Variants in MYT1L observed in about 807,000 individuals in gnomAD.
MYT1L encodes myelin transcription factor 1-like protein.
Under a neutral mutation model 126.7 loss-of-function variants are expected in MYT1L, and 12 were observed. The ratio of observed to expected loss-of-function variants is 0.09; its 90% confidence interval spans 0.06 to 0.15. The LOEUF is 0.15. Ranked by LOEUF, MYT1L falls within the 10% of genes least tolerant of loss-of-function variation. The pLI, the probability that MYT1L is intolerant of heterozygous loss-of-function variation, is 1.00. For synonymous variants in MYT1L, 541 were observed against 604.2 expected (o/e 0.90, Z 1.53); for missense variants, 979 against 1,585.2 (o/e 0.62, Z 6.49).
At chr2:2,116,024 T>C (rs1056489701) in intron 3 of MYT1L, among the ~76,000 whole-genome samples, 2 of 151,012 alleles carry the variant, frequency 1.3e-5, no homozygotes, top group Non-Finnish European at 1.5e-5. Context: ...GGCTGAGAAG[T>C]AGGATGCACC....
intron 2 of MYT1L, among the ~76,000 whole-genome samples, chr2:2,179,653 G>A (rs1027272006): frequency 2.6e-5 from 4 of 152,330 alleles, no homozygotes; most frequent in African/African-American, 7.2e-5. Flanking sequence ...CATTGCTTTA[G>A]TGAGTGAGGA....
intron 3 of MYT1L, among the ~76,000 whole-genome samples, chr2:2,115,440 C>T (rs1388099941): frequency 6.6e-6 from 1 of 152,166 alleles, no homozygotes; most frequent in Non-Finnish European, 1.5e-5. Flanking sequence ...TTTATAAATC[C>T]ATGAGACAGT....
At chr2:2,136,316 T>TAA (rs2083046665) in intron 3 of MYT1L, among the ~76,000 whole-genome samples, 1 of 152,196 alleles carries the variant, frequency 6.6e-6, no homozygotes, top group South Asian at 2.1e-4. Context: ...TTGAAAGAGT[T>TAA]AATATGTTAC....
At chr2:1,967,951 G>A (rs1024222837) in intron 8 of MYT1L, among the ~76,000 whole-genome samples, 2 of 152,132 alleles carry the variant, frequency 1.3e-5, no homozygotes, top group African/African-American at 4.8e-5. Flanking sequence ...GAGCTTCCTC[G>A]GGCCCCTGCA....
At chr2:1,863,743 G>C (rs529732583) in intron 18 of MYT1L, among the ~76,000 whole-genome samples, 1 of 150,652 alleles carries the variant, frequency 6.6e-6, no homozygotes, top group African/African-American at 2.4e-5. Context: ...AACAAAAAAG[G>C]GGGGGGCATT....
chr2:2,165,264 G>A (rs1213379324), intron 3 of MYT1L, among the ~76,000 whole-genome samples: 1 of 151,938 alleles, frequency 6.6e-6, no homozygotes, highest in Non-Finnish European at 1.5e-5. Context: ...TAGACACCAA[G>A]TACGGGTGGG....
At chr2:1,837,646 A>C (rs1341669468) in intron 21 of MYT1L, among the ~76,000 whole-genome samples, 1 of 152,066 alleles carries the variant, frequency 6.6e-6, no homozygotes, top group Non-Finnish European at 1.5e-5. Flanking sequence ...AACAGGCTCA[A>C]TGGGGAGGGT....
chr2:1,878,350 T>C (rs1349593179), intron 18 of MYT1L, among the ~76,000 whole-genome samples: 2 of 152,218 alleles, frequency 1.3e-5, no homozygotes, highest in Non-Finnish European at 2.9e-5. Flanking sequence ...TATTAAACTG[T>C]TTGTCAGTGG....
intron 2 of MYT1L, among the ~76,000 whole-genome samples, chr2:2,204,033 G>A (rs1328540606): frequency 2.6e-5 from 4 of 152,128 alleles, no homozygotes; most frequent in African/African-American, 9.7e-5. Context: ...TTTAATAAAT[G>A]GTGCTGGGAA....
Position 1,890,386 on chromosome 2 carries a change from T to C in MYT1L, c.2284-909A>G, listed in dbSNP as rs145671991. ...CTGCGCCTGGCTGTAATAAGAACTT[T>C]TATAATGAAGATAATTTTCCACTTT... On this transcript the variant is annotated intron_variant, in intron 15 of 24. Transcript: ENST00000647738. Among the ~76,000 whole-genome samples, 356 of 152,238 alleles carry C rather than the reference T, an allele frequency of 2.3e-3. 1 individual carries two copies. The highest frequency in any genetic ancestry group is 7.7e-3 in the African/African-American group (319 of 41,526).
chr2:2,249,393 C>T (rs1047861477), intron 2 of MYT1L, among the ~76,000 whole-genome samples: 21 of 151,780 alleles, frequency 1.4e-4, no homozygotes, highest in African/African-American at 5.1e-4. Flanking sequence ...AATAAAAAGA[C>T]ATTCAATGTT....
intron 2 of MYT1L, among the ~76,000 whole-genome samples, chr2:2,243,061 T>A (rs565721004): frequency 6.6e-6 from 1 of 152,126 alleles, no homozygotes; most frequent in East Asian, 1.9e-4. Flanking sequence ...CAAGGGGCAA[T>A]GTCAATGGGA....
chr2:2,133,137 T>A (rs1289941096), intron 3 of MYT1L, among the ~76,000 whole-genome samples: 1 of 152,206 alleles, frequency 6.6e-6, no homozygotes, highest in Admixed American at 6.5e-5. Context: ...GGGCAAAGGC[T>A]CGCATGCCAG....
At chr2:1,967,903 C>T (rs772128753) in intron 8 of MYT1L, among the ~76,000 whole-genome samples, 5 of 152,172 alleles carry the variant, frequency 3.3e-5, no homozygotes, top group Non-Finnish European at 5.9e-5. Flanking sequence ...GCAAAGAGTC[C>T]TGCTGTCTGT....
At chr2:2,064,597 G>GT (rs966660058) in intron 3 of MYT1L, among the ~76,000 whole-genome samples, 4 of 152,042 alleles carry the variant, frequency 2.6e-5, no homozygotes, top group African/African-American at 9.7e-5. Flanking sequence ...TTTTTTGTGA[G>GT]TTTTTTCAGT....
At chr2:2,068,769 GTTTTTTTTTTTT>G (rs55838351) in intron 3 of MYT1L, among the ~76,000 whole-genome samples, 169 of 26,190 alleles carry the variant, frequency 6.5e-3, no homozygotes, top group Non-Finnish European at 0.011. Flanking sequence ...TGTTCTTCTT[GTTTTTTTTTTTT>G]TTTTTTTTTT....
intron 2 of MYT1L, among the ~76,000 whole-genome samples, chr2:2,221,746 G>A (rs2093879868): frequency 2.6e-5 from 4 of 152,310 alleles, no homozygotes; most frequent in Middle Eastern, 6.8e-3. Flanking sequence ...GGTCTTGTCT[G>A]ATGAAAACAA....
At chr2:2,232,831 C>T (rs988264506) in intron 2 of MYT1L, among the ~76,000 whole-genome samples, 2 of 152,200 alleles carry the variant, frequency 1.3e-5, no homozygotes, top group East Asian at 1.9e-4. Context: ...CTGCTGACTG[C>T]GCTGTGACCT....
At chr2:2,207,874 C>T (rs2093372675) in intron 2 of MYT1L, among the ~76,000 whole-genome samples, 1 of 152,152 alleles carries the variant, frequency 6.6e-6, no homozygotes, top group East Asian at 1.9e-4. Context: ...GCACCTACAC[C>T]AGGAACCTGG....
Sources: gnomAD v4.1 joint callset for allele counts (sites outside exome capture counted in the v4.1 genomes callset) on GRCh38, gnomAD v4.1.1 for gene constraint, MANE v1.5 for transcripts, NCBI Gene and HGNC (gene_info 2026-07-23, HGNC 2026-07-21) for gene names.